Variants in NCOA1 observed in about 807,000 individuals in gnomAD.
The protein encoded by NCOA1 is Hin-2 protein.
NCOA1 carries 35 observed loss-of-function variants against 150.9 expected under a neutral mutation model. That is an observed-to-expected ratio of 0.23 (90% confidence interval 0.18 to 0.31). The LOEUF (loss-of-function observed/expected upper bound fraction) is 0.31, where lower values mean the gene tolerates loss of function less well. NCOA1 is among the 10% of genes least tolerant of loss of function. NCOA1 has a pLI of 1.00. For missense variants in NCOA1, 1,491 were observed against 1,749.3 expected, an observed-to-expected ratio of 0.85 and a Z score of 2.63; for synonymous variants, 590 against 630.0, an observed-to-expected ratio of 0.94 and a Z score of 0.95.
chr2:24,509,346 C>T (rs561352234), intron 1 of NCOA1, among the ~76,000 whole-genome samples: 5 of 152,296 alleles, frequency 3.3e-5, no homozygotes, highest in Admixed American at 1.3e-4. Flanking sequence ...TCACTTTGTT[C>T]TTCTATATCT....
At chr2:24,613,423 A>T (rs1419557987) in intron 3 of NCOA1, among the ~76,000 whole-genome samples, 10 of 152,140 alleles carry the variant, frequency 6.6e-5, no homozygotes, top group Non-Finnish European at 4.4e-5. Context: ...GGGCCAGGCC[A>T]CCTACAGTCC....
chr2:24,701,866 C>T (rs1673179609), intron 11 of NCOA1, among the ~76,000 whole-genome samples: 1 of 152,142 alleles, frequency 6.6e-6, no homozygotes, highest in Non-Finnish European at 1.5e-5. Context: ...AAAAATTAGC[C>T]AGGCGTGGTG....
chr2:24,746,619 T>G (rs942227871), intron 19 of NCOA1, among the ~76,000 whole-genome samples: 2 of 151,998 alleles, frequency 1.3e-5, no homozygotes, highest in Non-Finnish European at 2.9e-5. Flanking sequence ...ATTATCTGAT[T>G]GATGCAAGTT....
chr2:24,613,027 T>G (rs1311810548), intron 3 of NCOA1, among the ~76,000 whole-genome samples: 1 of 152,198 alleles, frequency 6.6e-6, no homozygotes, highest in Non-Finnish European at 1.5e-5. Flanking sequence ...TTGATTTTTG[T>G]AATTATTTTC....
chr2:24,525,751 G>A lies in NCOA1; in HGVS notation c.-396+34149G>A, dbSNP rs574678956. 5.9e-5 allele frequency among the ~76,000 whole-genome samples: 9 copies of A among 152,002 alleles called. No homozygotes were observed. The South Asian group carries it at 1.3e-3, about 21-fold the overall frequency. On this transcript the variant is annotated intron_variant, in intron 1 of 22. Transcript: ENST00000348332. ...TTTAGTAGAGATGGGGTTTTGCCACGTTGGCCAGCTAGTCTCAAACTCCTG... is the reference window on the plus strand; with the variant it reads ...TTTAGTAGAGATGGGGTTTTGCCACATTGGCCAGCTAGTCTCAAACTCCTG...
At chr2:24,554,315 A>G (rs994470625) in intron 1 of NCOA1, 1 of 152,206 alleles carries the variant, frequency 6.6e-6, no homozygotes, top group African/African-American at 2.4e-5. Flanking sequence ...TAAGTTTCTA[A>G]AAACTACTTT....
At chr2:24,711,647 C>T (rs147426066) in intron 14 of NCOA1, among the ~76,000 whole-genome samples, 2 of 152,204 alleles carry the variant, frequency 1.3e-5, no homozygotes, top group African/African-American at 4.8e-5. Flanking sequence ...TCAAGTAATA[C>T]ATGTTATACC....
intron 1 of NCOA1, among the ~76,000 whole-genome samples, chr2:24,552,590 C>A (rs997382918): frequency 6.6e-6 from 1 of 151,600 alleles, no homozygotes; most frequent in Non-Finnish European, 1.5e-5. Context: ...TGGCCTTGAT[C>A]TCCTGACCTC....
chr2:24,770,252 C>T lies in NCOA1; in HGVS notation c.*1861C>T, dbSNP rs993914470. On this transcript the variant is annotated 3_prime_UTR_variant, in exon 23 of 23. Transcript: ENST00000348332. ...CCAAACTGCTCTAGAAGGTCATTTC[C>T]ATTTTGTTTGTGATATTTAGACGCG... is the stretch of plus-strand genomic sequence containing the variant. The T allele has an allele frequency of 4.3e-6, 1 of 230,726 alleles. No homozygotes were observed. The highest frequency in any genetic ancestry group is 2.2e-5 in the African/African-American group (1 of 45,152). The allele number at this position is 230,726 out of a possible 1,614,324, so 14.3% of individuals were successfully genotyped here. A position where few individuals can be genotyped will look rare whatever the true frequency, so the allele number is the denominator to read the frequency against.
intron 3 of NCOA1, among the ~76,000 whole-genome samples, chr2:24,633,082 GCATGTACATACATATATA>G (rs1669775208): frequency 6.6e-6 from 1 of 151,910 alleles, no homozygotes; most frequent in Non-Finnish European, 1.5e-5. Flanking sequence ...GTATATGTAT[GCATGTACATACATATATA>G]CATATACACA....
intron 4 of NCOA1, among the ~76,000 whole-genome samples, chr2:24,649,691 T>C (rs1670627526): frequency 6.6e-6 from 1 of 152,242 alleles, no homozygotes; most frequent in Non-Finnish European, 1.5e-5. Flanking sequence ...GAGGAAAATA[T>C]TAGGTTTTAA....
intron 14 of NCOA1, among the ~76,000 whole-genome samples, chr2:24,724,300 C>G (rs1674501111): frequency 6.6e-6 from 1 of 152,112 alleles, no homozygotes; most frequent in Non-Finnish European, 1.5e-5. Flanking sequence ...TGTATACTTA[C>G]TCATGTTTGT....
chr2:24,541,196 G>A (rs1428300406), intron 1 of NCOA1, among the ~76,000 whole-genome samples: 2 of 152,196 alleles, frequency 1.3e-5, no homozygotes, highest in African/African-American at 4.8e-5. Context: ...AGTTGCTCAG[G>A]AAGAATGAAT....
At chr2:24,663,579 T>C (rs1424824551) in intron 5 of NCOA1, among the ~76,000 whole-genome samples, 1 of 152,244 alleles carries the variant, frequency 6.6e-6, no homozygotes, top group Non-Finnish European at 1.5e-5. Flanking sequence ...GTCTGCAATA[T>C]GAATGGTAAT....
chr2:24,542,652 A>G (rs1372177685), intron 1 of NCOA1, among the ~76,000 whole-genome samples: 2 of 152,180 alleles, frequency 1.3e-5, no homozygotes, highest in African/African-American at 4.8e-5. Flanking sequence ...GTTGTAGGTG[A>G]TGTTGGTCTC....
At chr2:24,541,271 A>G (rs868031901) in intron 1 of NCOA1, among the ~76,000 whole-genome samples, 3 of 152,296 alleles carry the variant, frequency 2.0e-5, no homozygotes, top group Non-Finnish European at 1.5e-5. Flanking sequence ...GCCTGCAGGC[A>G]AGGGAGAGAA....
rs1474435969 is a variant in NCOA1, at chr2:24,711,037, G to C, written c.2525G>C (p.Ser842Thr). The change falls in exon 14 of 23, where the codon AGT becomes ACT. Residue 842 changes from serine (S) to threonine (T), a missense_variant. By Grantham distance (58) the Ser-to-Thr change is moderately conservative. Coordinates refer to ENST00000348332, the MANE Select transcript of NCOA1 (RefSeq NM_003743.5). ...GACAGGATGGATGGTGCGGTCACCA[G>C]TGTAACCATCAAATCGGAGATCCTG... ...ETDRMDGAVT[S>T]VTIKSEILPA... 2 of 1,614,190 alleles carry C rather than the reference G, an allele frequency of 1.2e-6. No homozygotes were observed. Among genetic ancestry groups the C allele is most frequent in the Non-Finnish European group, 1.7e-6 (2 of 1,180,020 alleles).
At chr2:24,576,026 G>T (rs1156266376) in intron 2 of NCOA1, among the ~76,000 whole-genome samples, 1 of 151,944 alleles carries the variant, frequency 6.6e-6, no homozygotes, top group East Asian at 1.9e-4. Flanking sequence ...TAATTTAGAA[G>T]TTGATACCCT....
At chr2:24,517,209 G>T (rs530219169) in intron 1 of NCOA1, among the ~76,000 whole-genome samples, 9 of 151,888 alleles carry the variant, frequency 5.9e-5, no homozygotes, top group African/African-American at 1.9e-4. Flanking sequence ...TTCTTGTAGA[G>T]AATTGAGTTT....
Sources: allele counts gnomAD v4.1 joint callset (sites outside exome capture counted in the v4.1 genomes callset), GRCh38; gene constraint gnomAD v4.1.1; transcripts MANE v1.5; gene names NCBI Gene and HGNC (gene_info 2026-07-23, HGNC 2026-07-21).